Variants in GLRA2 observed in about 807,000 individuals in gnomAD.
The protein encoded by GLRA2 is glycine receptor subunit alpha-2.
A neutral mutation model predicts 31.6 loss-of-function variants in GLRA2; 11 were observed. The ratio of observed to expected loss-of-function variants is 0.35; its 90% confidence interval spans 0.22 to 0.58. GLRA2 has a LOEUF of 0.58. Ranked by LOEUF, GLRA2 falls within the 20% of genes least tolerant of loss-of-function variation. The pLI is 0.84. For synonymous variants in GLRA2, 132 were observed against 134.0 expected, an observed-to-expected ratio of 0.99 and a Z score of 0.10; for missense variants, 212 against 351.8, an observed-to-expected ratio of 0.60 and a Z score of 3.18.
At chrX:14,479,521 T>G in the GLRA2 span, among the ~76,000 whole-genome samples, 1 of 111,307 alleles carries the variant, frequency 9.0e-6, no homozygotes, top group Non-Finnish European at 1.9e-5. Flanking sequence ...ATGGTTAGTT[T>G]TTCAACCCTG....
At chrX:14,726,247 A>C (rs2091927548) in intron 8 of GLRA2, among the ~76,000 whole-genome samples, 1 of 112,026 alleles carries the variant, frequency 8.9e-6, no homozygotes, top group African/African-American at 3.2e-5. Context: ...CTAGAAAGGC[A>C]ATTAGTCATT....
chrX:14,660,336 G>T (rs1206610795), intron 7 of GLRA2, among the ~76,000 whole-genome samples: 2 of 111,666 alleles, frequency 1.8e-5, no homozygotes, highest in Non-Finnish European at 3.8e-5. Flanking sequence ...AAACTCTACG[G>T]TGAAAGCAAC....
At chrX:14,606,413 G>T (rs1193825653) in intron 5 of GLRA2, among the ~76,000 whole-genome samples, 1 of 111,387 alleles carries the variant, frequency 9.0e-6, no homozygotes, top group Non-Finnish European at 1.9e-5. Context: ...TACTTTGGAT[G>T]GTTCAAGTCA....
chrX:14,652,805 A>G (rs1013851108), intron 7 of GLRA2, among the ~76,000 whole-genome samples: 2 of 111,611 alleles, frequency 1.8e-5, no homozygotes, highest in East Asian at 2.8e-4. Context: ...TAATAACCCT[A>G]CAATGGTCTA....
chrX:14,450,741 C>T, the GLRA2 span, among the ~76,000 whole-genome samples: 2 of 111,498 alleles, frequency 1.8e-5, no homozygotes, highest in African/African-American at 3.3e-5. Context: ...AGTCTCACTC[C>T]ATCATCCATG....
chrX:14,686,699 C>A (rs191689824), intron 7 of GLRA2, among the ~76,000 whole-genome samples: 4 of 111,510 alleles, frequency 3.6e-5, no homozygotes, highest in Admixed American at 9.5e-5. Flanking sequence ...TATTTTGAGC[C>A]TATGTGTGTC....
chrX:14,659,116 T>C (rs907456822), intron 7 of GLRA2, among the ~76,000 whole-genome samples: 6 of 112,466 alleles, frequency 5.3e-5, no homozygotes, highest in Non-Finnish European at 9.4e-5. Flanking sequence ...TCCAGCCCAC[T>C]ACCTGTTTTT....
chrX:14,568,081 C>A (rs7879582), intron 2 of GLRA2, among the ~76,000 whole-genome samples: 2 of 111,502 alleles, frequency 1.8e-5, no homozygotes, highest in African/African-American at 6.5e-5. Context: ...AATGCAATCC[C>A]TATCAAAATT....
chrX:14,607,771 A>G (rs917479450), intron 6 of GLRA2, among the ~76,000 whole-genome samples: 2 of 111,202 alleles, frequency 1.8e-5, no homozygotes, highest in Non-Finnish European at 3.8e-5. Flanking sequence ...AGAAGTTTGG[A>G]TGAAAGTCAG....
the GLRA2 span, among the ~76,000 whole-genome samples, chrX:14,465,763 CT>C: frequency 9.0e-6 from 1 of 111,699 alleles, no homozygotes; most frequent in Non-Finnish European, 1.9e-5. Context: ...AAACCAAAAG[CT>C]TTTTTGCCCC....
the GLRA2 span, among the ~76,000 whole-genome samples, chrX:14,452,355 G>A: frequency 7.1e-5 from 8 of 112,319 alleles, no homozygotes; most frequent in Non-Finnish European, 1.3e-4. Flanking sequence ...ACTTTAAAAT[G>A]ACCCTTTCTT....
rs1182664642 is a variant in GLRA2, at chrX:14,731,220, T to C, written c.*735T>C. The C allele has an allele frequency of 8.9e-6, 1 of 112,626 alleles. No individual in the cohort carries two copies. Among genetic ancestry groups the C allele is most frequent in the African/African-American group, 3.2e-5 (1 of 30,918 alleles). 9.3% of individuals were successfully genotyped at this position (112,626 alleles called of 1,213,427 possible). ...CATATAGGTGTGCATTTTAATATTTTTCTTTCCAAGATAAAATTTTGAAAC... is the reference window on the plus strand; with the variant it reads ...CATATAGGTGTGCATTTTAATATTTCTCTTTCCAAGATAAAATTTTGAAAC... On this transcript the variant is annotated 3_prime_UTR_variant, in exon 9 of 9. Transcript: ENST00000218075.
the GLRA2 span, among the ~76,000 whole-genome samples, chrX:14,465,904 A>C: frequency 8.9e-6 from 1 of 112,086 alleles, no homozygotes. Flanking sequence ...ATTTTAACTT[A>C]TTATAATTGT....
In GLRA2 at chrX:14,660,677, G is replaced by GGTCAGATTTT. The variant is rs745320383; in HGVS notation, c.931-30031_931-30022dup. ...GGCTAGCAGTGGAGAGATGAGAAAGGGTCAGATTTTGCTGCATGTACATTG... is the reference window on the plus strand; with the variant it reads ...GGCTAGCAGTGGAGAGATGAGAAAGGGTCAGATTTTGTCAGATTTTGCTGCATGTACATTG... On this transcript the variant is annotated intron_variant, in intron 7 of 8. Transcript: ENST00000218075. 1.7e-4 allele frequency among the ~76,000 whole-genome samples: 19 copies of GGTCAGATTTT among 111,678 alleles called. No individual in the cohort carries two copies. In the East Asian group the frequency reaches 3.4e-3, roughly 20 times the overall value.
chrX:14,452,867 A>G, the GLRA2 span, among the ~76,000 whole-genome samples: 4 of 111,570 alleles, frequency 3.6e-5, no homozygotes, highest in East Asian at 2.8e-4. Context: ...TAAAAAGCCT[A>G]TTTTTCAGGT....
chrX:14,710,858 T>C (rs1374609810), intron 8 of GLRA2, among the ~76,000 whole-genome samples: 1 of 112,061 alleles, frequency 8.9e-6, no homozygotes, highest in Non-Finnish European at 1.9e-5. Flanking sequence ...AGAAGAGATA[T>C]AAATTTTCAC....
chrX:14,665,862 TA>T (rs2091033901), intron 7 of GLRA2, among the ~76,000 whole-genome samples: 2 of 111,738 alleles, frequency 1.8e-5, no homozygotes, highest in Admixed American at 9.5e-5. Context: ...CTAGAATGAG[TA>T]TGTGATGTCA....
the GLRA2 span, among the ~76,000 whole-genome samples, chrX:14,496,973 T>A: frequency 8.9e-6 from 1 of 111,957 alleles, no homozygotes; most frequent in Admixed American, 9.5e-5. Flanking sequence ...AATCTTTTCA[T>A]TGTACACATG....
chrX:14,592,138 C>G (rs754125228), intron 4 of GLRA2, among the ~76,000 whole-genome samples: 16 of 111,442 alleles, frequency 1.4e-4, no homozygotes, highest in Non-Finnish European at 1.9e-5. Flanking sequence ...AAAATAACGT[C>G]CCTCTCCTTC....
Sources: gnomAD v4.1 joint callset for allele counts (sites outside exome capture counted in the v4.1 genomes callset) on GRCh38, gnomAD v4.1.1 for gene constraint, MANE v1.5 for transcripts, NCBI Gene and HGNC (gene_info 2026-07-23, HGNC 2026-07-21) for gene names.